Variants in HCK observed in about 807,000 individuals in gnomAD.
The protein encoded by HCK is HCK proto-oncogene, Src family tyrosine kinase.
In HCK, 40 loss-of-function variants were observed where a neutral mutation model predicts 70.4. The observed-to-expected ratio is 0.57, with a 90% CI of 0.44 to 0.74. HCK has a LOEUF of 0.74. HCK is among the 30% of genes least tolerant of loss of function. The pLI, the probability that HCK is intolerant of heterozygous loss-of-function variation, is 0.00. For synonymous variants in HCK, 245 were observed against 263.2 expected, an observed-to-expected ratio of 0.93 and a Z score of 0.67; for missense variants, 568 against 697.2, an observed-to-expected ratio of 0.81 and a Z score of 2.09.
In HCK at chr20:32,052,969, G is replaced by C. The variant is rs1460253909; in HGVS notation, c.62+483G>C. On this transcript the variant is annotated intron_variant, in intron 1 of 12. Coordinates refer to ENST00000375852, the MANE Select transcript of HCK (RefSeq NM_002110.5). ...GTGACGTGCGAGCCACACCCAGGCC[G>C]GCTGCAGCTGGTCGGCTCTCTGCCC... 3.3e-5 allele frequency among the ~76,000 whole-genome samples: 5 copies of C among 152,178 alleles called. No individual in the cohort carries two copies. In the East Asian group the frequency reaches 9.7e-4, roughly 30 times the overall value.
At chr20:32,053,407 G>A (rs1298995563) in intron 1 of HCK, among the ~76,000 whole-genome samples, 5 of 151,946 alleles carry the variant, frequency 3.3e-5, no homozygotes, top group Non-Finnish European at 5.9e-5. Flanking sequence ...GGAGGCCGAG[G>A]CAGGTGGATC....
At chr20:32,086,270 C>T (rs1016731582) in intron 8 of HCK, among the ~76,000 whole-genome samples, 3 of 152,192 alleles carry the variant, frequency 2.0e-5, no homozygotes, top group East Asian at 1.9e-4. Context: ...CCGCCCACCT[C>T]GGCCCCCCAA....
rs1156467355 is a variant in HCK, at chr20:32,099,142, A to G, written c.1378+7A>G. 6.2e-7 allele frequency: 1 copy of G among 1,613,624 alleles called. No homozygotes were observed. The highest frequency in any genetic ancestry group is 1.3e-5 in the African/African-American group (1 of 74,984). ...GGCCGGATCCCTTACCCAGGTAGGG[A>G]AGGGGCATCAGCTCAGGGCTGCTAC... On this transcript the variant is annotated splice_region_variant and intron_variant, in intron 12 of 12. Coordinates refer to ENST00000375852, the MANE Select transcript of HCK (RefSeq NM_002110.5).
chr20:32,058,498 T>C (rs2045308691), intron 1 of HCK, among the ~76,000 whole-genome samples: 2 of 144,222 alleles, frequency 1.4e-5, no homozygotes, highest in Non-Finnish European at 1.5e-5. Flanking sequence ...GCCACTGCAC[T>C]CCAGCCTGGG....
chr20:32,057,166 G>A (rs191678939), intron 1 of HCK, among the ~76,000 whole-genome samples: 112 of 152,286 alleles, frequency 7.4e-4, no homozygotes, highest in African/African-American at 2.6e-3. Flanking sequence ...CTGCCCTGGG[G>A]GCTACACCTG....
chr20:32,084,171 G>C, intron 7 of HCK, 128 bp downstream of exon 7: 1 of 1,152,956 alleles, frequency 8.7e-7, no homozygotes, highest in South Asian at 1.5e-5. Context: ...AGTTGCTTTG[G>C]ATGCTTCTGA....
At chr20:32,098,084 A>G (rs769189442) in intron 11 of HCK, among the ~76,000 whole-genome samples, 5 of 152,026 alleles carry the variant, frequency 3.3e-5, no homozygotes, top group South Asian at 4.2e-4. Context: ...GTCTGACTCT[A>G]TCATCCAGGC....
At chr20:32,056,502 C>A (rs1412279410) in intron 1 of HCK, among the ~76,000 whole-genome samples, 2 of 148,442 alleles carry the variant, frequency 1.3e-5, no homozygotes, top group Non-Finnish European at 3.0e-5. Context: ...GGCGACAGAG[C>A]GAGACTCCTT....
At chr20:32,074,881 C>T (rs2045599632) in intron 5 of HCK, among the ~76,000 whole-genome samples, 160 bp downstream of exon 5, 1 of 152,186 alleles carries the variant, frequency 6.6e-6, no homozygotes, top group Non-Finnish European at 1.5e-5. Context: ...TTTCATCCTT[C>T]CAGTCAGGGA....
chr20:32,062,390 G>T (rs531345185), intron 1 of HCK, among the ~76,000 whole-genome samples: 19 of 152,286 alleles, frequency 1.2e-4, no homozygotes, highest in African/African-American at 3.4e-4. Flanking sequence ...AAGGTTCACA[G>T]TTGCTCTGGA....
intron 1 of HCK, among the ~76,000 whole-genome samples, chr20:32,069,356 T>C (rs1041152919): frequency 5.9e-5 from 9 of 152,184 alleles, no homozygotes; most frequent in Admixed American, 1.3e-4. Context: ...CGCGCATGGA[T>C]TGGAAATCAC....
chr20:32,054,340 T>C, intron 1 of HCK: 1 of 455,650 alleles, frequency 2.2e-6, no homozygotes, highest in Non-Finnish European at 4.4e-6. Context: ...ATCTATGCAG[T>C]GGTTCATGCC....
chr20:32,096,658 T>C (rs1395399058), intron 11 of HCK, among the ~76,000 whole-genome samples: 2 of 152,084 alleles, frequency 1.3e-5, no homozygotes, highest in Non-Finnish European at 2.9e-5. Context: ...CGTGCTACCA[T>C]GCCCAGCTAA....
chr20:32,095,747 T>C (rs904287680), intron 11 of HCK, among the ~76,000 whole-genome samples: 54 of 152,314 alleles, frequency 3.5e-4, no homozygotes, highest in African/African-American at 1.3e-3. Context: ...GGGTGAAATG[T>C]ATGGTCTGTG....
Position 32,073,911 on chromosome 20 carries a change from G to A in HCK, c.329+93G>A, listed in dbSNP as rs528874049. 7 of 720,906 alleles carry A rather than the reference G, an allele frequency of 9.7e-6. No individual in the cohort carries two copies. In the Admixed American group the frequency reaches 1.1e-4, roughly 11 times the overall value. The allele number at this position is 720,906 out of a possible 1,614,324, so 44.7% of individuals were successfully genotyped here. A position where few individuals can be genotyped will look rare whatever the true frequency, so the allele number is the denominator to read the frequency against. ...CTTCCATAAAGAACCTGATAGATGG[G>A]CTATCTTATCCTGGGTATAAATGTC... On this transcript the variant is annotated intron_variant, in intron 4 of 12. Coordinates refer to ENST00000375852, the MANE Select transcript of HCK (RefSeq NM_002110.5).
At chr20:32,094,869 A>G (rs185819084) in intron 11 of HCK, among the ~76,000 whole-genome samples, 1 of 152,230 alleles carries the variant, frequency 6.6e-6, no homozygotes, top group African/African-American at 2.4e-5. Flanking sequence ...AAAGAGGCAC[A>G]AGCCAATGCT....
Position 32,074,708 on chromosome 20 carries a change from C to G in HCK, c.415C>G (p.Leu139Val), listed in dbSNP as rs529087706. The G allele has an allele frequency of 8.6e-5, 138 of 1,612,850 alleles. No homozygotes were observed. The highest frequency in any genetic ancestry group is 1.6e-4 in the Middle Eastern group (1 of 6,080). Residue 139 changes from leucine (L) to valine (V), a missense_variant, in exon 5 of 13, where the codon CTG becomes GTG. This residue lies in a region of HCK where 318 missense variants were observed against 336.0 expected (regional missense o/e 0.95). Coordinates refer to ENST00000375852, the MANE Select transcript of HCK (RefSeq NM_002110.5). The stretch of plus-strand genomic sequence containing the variant: ...CAACTATGTCGCCCGCGTTGACTCT[C>G]TGGAGACAGAGGAGTAAGTATCCTA...
intron 6 of HCK, among the ~76,000 whole-genome samples, chr20:32,082,258 A>G (rs532574503): frequency 6.6e-6 from 1 of 152,324 alleles, no homozygotes; most frequent in African/African-American, 2.4e-5. Flanking sequence ...ATAATTCATT[A>G]TAATGAATAT....
intron 5 of HCK, among the ~76,000 whole-genome samples, chr20:32,077,722 C>A (rs1217776487): frequency 6.6e-6 from 1 of 152,150 alleles, no homozygotes; most frequent in African/African-American, 2.4e-5. Context: ...GACAGGGTTT[C>A]TCCATGTTGG....
Sources: gnomAD v4.1 joint callset for allele counts (sites outside exome capture counted in the v4.1 genomes callset) on GRCh38, gnomAD v4.1.1 for gene constraint, gnomAD v4.1.1 regional missense constraint, MANE v1.5 for transcripts, NCBI Gene and HGNC (gene_info 2026-07-23, HGNC 2026-07-21) for gene names.